Variants in FAM169A observed in about 807,000 individuals in gnomAD.
FAM169A encodes family with sequence similarity 169 member A.
Under a neutral mutation model 75.7 loss-of-function variants are expected in FAM169A, and 24 were observed. That is an observed-to-expected ratio of 0.32 (90% CI 0.23 to 0.45). The LOEUF is 0.45. Among genes scored for constraint, FAM169A ranks in the 20% least tolerant of loss-of-function variants. The pLI is 1.00. For missense variants in FAM169A, 673 were observed against 784.0 expected, an observed-to-expected ratio of 0.86 and a Z score of 1.69; for synonymous variants, 271 against 271.0, an observed-to-expected ratio of 1.00 and a Z score of 0.00.
chr5:74,851,612 C>T (rs774116312), intron 1 of FAM169A, among the ~76,000 whole-genome samples: 1 of 152,104 alleles, frequency 6.6e-6, no homozygotes, highest in Non-Finnish European at 1.5e-5. Context: ...TAGAAATGGG[C>T]TTGTAATTGA....
intron 1 of FAM169A, among the ~76,000 whole-genome samples, chr5:74,842,807 A>G (rs1359942279): frequency 6.7e-6 from 1 of 149,246 alleles, no homozygotes; most frequent in Admixed American, 6.8e-5. Context: ...CTCCACTACT[A>G]TATAACATTA....
intron 11 of FAM169A, among the ~76,000 whole-genome samples, chr5:74,792,696 C>T (rs1746042270): frequency 6.6e-6 from 1 of 152,110 alleles, no homozygotes; most frequent in South Asian, 2.1e-4. Context: ...AAATGCAAAT[C>T]AAAACCACAA....
intron 1 of FAM169A, among the ~76,000 whole-genome samples, chr5:74,864,493 G>T (rs1403650185): frequency 6.6e-6 from 1 of 152,230 alleles, no homozygotes; most frequent in Non-Finnish European, 1.5e-5. Flanking sequence ...CTCCCAAAGT[G>T]TTGGGAAAAC....
intron 11 of FAM169A, among the ~76,000 whole-genome samples, chr5:74,794,778 CAAAAA>C (rs980861741): frequency 1.5e-5 from 1 of 65,764 alleles, no homozygotes; most frequent in Non-Finnish European, 3.3e-5. Context: ...AACTCCGTCT[CAAAAA>C]AAAAAAAAAA....
intron 8 of FAM169A, among the ~76,000 whole-genome samples, chr5:74,801,906 C>T (rs992707452): frequency 1.3e-5 from 2 of 152,182 alleles, no homozygotes; most frequent in Admixed American, 6.5e-5. Context: ...GCTCTCCCTT[C>T]ACTATGCTTA....
At position 74,782,923 on chromosome 5, in the gene FAM169A, C is replaced by T. The variant is rs889644241; in HGVS notation, c.1464+8G>A. The T allele has an allele frequency of 1.9e-6, 3 of 1,603,858 alleles. No individual in the cohort carries two copies. The Admixed American group carries it at 5.0e-5, about 27-fold the overall frequency. On this transcript the variant is annotated splice_region_variant and intron_variant, in intron 12 of 12. Coordinates refer to ENST00000687041, the MANE Select transcript of FAM169A (RefSeq NM_001376049.1). ...ACTTTATTAAAAAATAGCTCATTGC[C>T]CCCTTACCTTATCTGGTGCATCTAC...
chr5:74,861,523 A>C (rs535618521), intron 1 of FAM169A, among the ~76,000 whole-genome samples: 1 of 152,332 alleles, frequency 6.6e-6, no homozygotes, highest in East Asian at 1.9e-4. Flanking sequence ...CAGGAGTTCA[A>C]GACCAGCCTG....
Position 74,805,234 on chromosome 5 carries a change from C to G in FAM169A, c.721G>C (p.Glu241Gln). Residue 241 changes from glutamate to glutamine, a missense_variant, in exon 7 of 13, where the codon GAA (glutamate) becomes CAA (glutamine). Physicochemically the swap from Glu to Gln is conservative, Grantham distance 29. This residue lies in a region of FAM169A where 510 missense variants were observed against 550.9 expected (regional missense o/e 0.93). Coordinates refer to ENST00000687041, the MANE Select transcript of FAM169A (RefSeq NM_001376049.1). ...TACCAGTGTCCAACACCTTCAACTT[C>G]CCAAAGGAGTTCATGGTCTCCTGGA... ...KYPGDHELLWEVEGVGHWYQR... is the reference protein window; with the variant it reads ...KYPGDHELLWQVEGVGHWYQR... The G allele has an allele frequency of 6.2e-7, 1 of 1,613,544 alleles. No homozygotes were observed. The highest frequency in any genetic ancestry group is 8.5e-7 in the Non-Finnish European group (1 of 1,179,494).
intron 1 of FAM169A, among the ~76,000 whole-genome samples, chr5:74,844,320 G>C (rs1307097964): frequency 6.6e-6 from 1 of 151,870 alleles, no homozygotes; most frequent in African/African-American, 2.4e-5. Flanking sequence ...AAATTAGCCG[G>C]GTATGGTGGT....
At chr5:74,856,698 GT>G (rs1175758552) in intron 1 of FAM169A, among the ~76,000 whole-genome samples, 1 of 150,202 alleles carries the variant, frequency 6.7e-6, no homozygotes, top group Non-Finnish European at 1.5e-5. Context: ...CATAACCAAG[GT>G]TTTTTTTAAG....
At chr5:74,783,420 A>G (rs1456037216) in intron 11 of FAM169A, among the ~76,000 whole-genome samples, 1 of 152,234 alleles carries the variant, frequency 6.6e-6, no homozygotes, top group Non-Finnish European at 1.5e-5. Flanking sequence ...CGGAGATTCA[A>G]TGAAAAGACC....
intron 5 of FAM169A, among the ~76,000 whole-genome samples, chr5:74,819,114 G>A (rs2112596122): frequency 6.6e-6 from 1 of 151,820 alleles, no homozygotes; most frequent in East Asian, 1.9e-4. Context: ...AGCTACTCAA[G>A]AGGCTGAGGC....
chr5:74,799,760 A>C, intron 10 of FAM169A: 4 of 1,126,072 alleles, frequency 3.6e-6, no homozygotes, highest in Non-Finnish European at 5.4e-6. Context: ...CATCTGTCTC[A>C]GACAACAGCG....
chr5:74,803,340 C>G (rs926223419), intron 8 of FAM169A, among the ~76,000 whole-genome samples: 1 of 152,004 alleles, frequency 6.6e-6, no homozygotes, highest in Non-Finnish European at 1.5e-5. Context: ...GGAGCTTATT[C>G]TCAAGTCTGA....
intron 6 of FAM169A, among the ~76,000 whole-genome samples, chr5:74,809,740 A>C (rs1482917472): frequency 3.3e-5 from 5 of 152,238 alleles, no homozygotes; most frequent in Admixed American, 6.5e-5. Context: ...ATACTCAAAA[A>C]TCTTTAGTCT....
chr5:74,779,096 T>C lies in FAM169A; in HGVS notation c.*2364A>G, dbSNP rs1207641739. On this transcript the variant is annotated 3_prime_UTR_variant, in exon 13 of 13. Transcript: ENST00000687041. ...GAGAGAATCTGTAACAGAAGTGTTC[T>C]TGTGTGCTGAACAAAAAACTTCTAA... 2 of 152,164 alleles carry C rather than the reference T, an allele frequency of 1.3e-5. No individual in the cohort carries two copies. The highest frequency in any genetic ancestry group is 2.9e-5 in the Non-Finnish European group (2 of 67,962). The allele number at this position is 152,164 out of a possible 1,614,324, so 9.4% of individuals were successfully genotyped here. A position where few individuals can be genotyped will look rare whatever the true frequency, so the allele number is the denominator to read the frequency against.
intron 1 of FAM169A, among the ~76,000 whole-genome samples, chr5:74,845,899 A>T (rs1580159314): frequency 6.6e-6 from 1 of 152,236 alleles, no homozygotes; most frequent in East Asian, 1.9e-4. Context: ...ATTTCTATCA[A>T]ATTCTATATG....
At chr5:74,817,531 C>T (rs1339787025) in intron 5 of FAM169A, among the ~76,000 whole-genome samples, 5 of 151,830 alleles carry the variant, frequency 3.3e-5, no homozygotes, top group Non-Finnish European at 7.4e-5. Context: ...AATTAGAGAA[C>T]ACCTAAAAAA....
At chr5:74,841,722 G>A (rs755808265) in intron 1 of FAM169A, 43 bp from the exon 2 acceptor site, 7 of 1,525,338 alleles carry the variant, frequency 4.6e-6, no homozygotes, top group East Asian at 4.7e-5. Context: ...AATATGAAAC[G>A]CCATCTTCCT....
Sources: allele counts gnomAD v4.1 joint callset (sites outside exome capture counted in the v4.1 genomes callset), GRCh38; gene constraint gnomAD v4.1.1; regional missense constraint gnomAD v4.1.1; transcripts MANE v1.5; gene names NCBI Gene and HGNC (gene_info 2026-07-23, HGNC 2026-07-21).